Variants in KHDRBS2 observed in about 807,000 individuals in gnomAD.
The protein encoded by KHDRBS2 is KH domain-containing, RNA-binding, signal transduction-associated protein 2.
A neutral mutation model predicts 44.3 loss-of-function variants in KHDRBS2; 26 were observed. That is an observed-to-expected ratio of 0.59 (90% confidence interval 0.43 to 0.81). The LOEUF (loss-of-function observed/expected upper bound fraction) is 0.81, where lower values mean the gene tolerates loss of function less well. Among genes scored for constraint, KHDRBS2 ranks in the 40% least tolerant of loss-of-function variants. The pLI is 0.00. For missense variants in KHDRBS2, 476 were observed against 433.1 expected (o/e 1.10, Z -0.88); for synonymous variants, 194 against 151.1 (o/e 1.28, Z -2.08).
intron 6 of KHDRBS2, among the ~76,000 whole-genome samples, chr6:61,879,010 T>C (rs1583300364): frequency 1.3e-5 from 2 of 151,984 alleles, no homozygotes; most frequent in South Asian, 2.1e-4. Flanking sequence ...ATTAATATTC[T>C]AGACTTCTAA....
intron 2 of KHDRBS2, among the ~76,000 whole-genome samples, chr6:62,174,607 G>A (rs964436781): frequency 6.6e-6 from 1 of 151,596 alleles, no homozygotes; most frequent in African/African-American, 2.4e-5. Context: ...GAGAGTAACT[G>A]AAACACAATC....
At chr6:62,248,718 T>C (rs1466583817) in intron 1 of KHDRBS2, among the ~76,000 whole-genome samples, 1 of 152,080 alleles carries the variant, frequency 6.6e-6, no homozygotes, top group Non-Finnish European at 1.5e-5. Flanking sequence ...AAAAGACTCA[T>C]GGGGAGCTCA....
At chr6:61,931,560 A>G (rs1215190608) in intron 4 of KHDRBS2, among the ~76,000 whole-genome samples, 1 of 152,154 alleles carries the variant, frequency 6.6e-6, no homozygotes, top group Non-Finnish European at 1.5e-5. Flanking sequence ...GTGGTTTTAT[A>G]TGCTCATTTA....
chr6:61,670,296 G>A, the KHDRBS2 span, among the ~76,000 whole-genome samples: 1 of 151,262 alleles, frequency 6.6e-6, no homozygotes, highest in Non-Finnish European at 1.5e-5. Context: ...TCTTTAAAAA[G>A]TTATGCCAAT....
At chr6:61,958,672 ACT>A (rs1767962994) in intron 4 of KHDRBS2, among the ~76,000 whole-genome samples, 1 of 152,076 alleles carries the variant, frequency 6.6e-6, no homozygotes, top group African/African-American at 2.4e-5. Context: ...AATTGTGCCA[ACT>A]CTGTCTTAAA....
In KHDRBS2 at chr6:62,137,202, C is replaced by T. The variant is rs563322264; in HGVS notation, c.219+39983G>A. ...ATTTTTAGTAGAGACGGGGTTTCAC[C>T]GTGTTAGCCAGGATAGTCTTGATCT... On this transcript the variant is annotated intron_variant, in intron 2 of 8. Coordinates refer to ENST00000281156, the MANE Select transcript of KHDRBS2 (RefSeq NM_152688.4). 1.4e-4 allele frequency among the ~76,000 whole-genome samples: 21 copies of T among 152,002 alleles called. No individual in the cohort carries two copies. The East Asian group carries it at 3.7e-3, about 27-fold the overall frequency.
At chr6:62,105,114 C>T (rs1486289066) in intron 2 of KHDRBS2, among the ~76,000 whole-genome samples, 1 of 152,052 alleles carries the variant, frequency 6.6e-6, no homozygotes. Flanking sequence ...AGTCCTATAT[C>T]ATTAAAAAAA....
intron 2 of KHDRBS2, among the ~76,000 whole-genome samples, chr6:62,116,064 T>A (rs950468578): frequency 4.0e-5 from 6 of 151,850 alleles, no homozygotes; most frequent in Non-Finnish European, 7.4e-5. Context: ...ATCATCAAAA[T>A]AGGAAAAGAA....
At chr6:61,888,139 T>C (rs1396739064) in intron 6 of KHDRBS2, among the ~76,000 whole-genome samples, 1 of 152,216 alleles carries the variant, frequency 6.6e-6, no homozygotes, top group Non-Finnish European at 1.5e-5. Flanking sequence ...TAAAAATTAG[T>C]GTCTCCCCAT....
At chr6:62,233,292 T>A (rs1313702312) in intron 1 of KHDRBS2, among the ~76,000 whole-genome samples, 1 of 152,138 alleles carries the variant, frequency 6.6e-6, no homozygotes, top group African/African-American at 2.4e-5. Flanking sequence ...TGTCTCAATG[T>A]TTCTCACTCT....
At chr6:61,797,759 GTGTGTA>G (rs759822735) in intron 6 of KHDRBS2, among the ~76,000 whole-genome samples, 8 of 136,038 alleles carry the variant, frequency 5.9e-5, no homozygotes, top group Middle Eastern at 7.7e-3. Flanking sequence ...GTGTGTGTGT[GTGTGTA>G]TGTATATATA....
At chr6:62,144,876 G>T (rs1441627927) in intron 2 of KHDRBS2, among the ~76,000 whole-genome samples, 1 of 151,950 alleles carries the variant, frequency 6.6e-6, no homozygotes, top group African/African-American at 2.4e-5. Flanking sequence ...ATTTAGGAAA[G>T]AAGGTCATGT....
intron 4 of KHDRBS2, among the ~76,000 whole-genome samples, chr6:61,956,625 G>A (rs764030085): frequency 2.6e-5 from 4 of 151,986 alleles, no homozygotes; most frequent in Admixed American, 2.6e-4. Context: ...GCCACAAGGG[G>A]TTAATCAGTC....
At chr6:61,552,706 A>G in the KHDRBS2 span, among the ~76,000 whole-genome samples, 1 of 152,160 alleles carries the variant, frequency 6.6e-6, no homozygotes, top group East Asian at 1.9e-4. Context: ...TTTTAACATA[A>G]AGGGATGTTG....
chr6:62,184,266 T>A (rs1322417046), intron 1 of KHDRBS2, among the ~76,000 whole-genome samples: 1 of 151,594 alleles, frequency 6.6e-6, no homozygotes, highest in African/African-American at 2.4e-5. Flanking sequence ...AAACCTAACA[T>A]GAATCACAGA....
At chr6:61,775,792 C>T (rs1365723176) in intron 6 of KHDRBS2, among the ~76,000 whole-genome samples, 10 of 152,162 alleles carry the variant, frequency 6.6e-5, no homozygotes, top group Non-Finnish European at 1.5e-4. Context: ...GAAAAAACTA[C>T]TTTAAATTTC....
chr6:62,142,550 G>T (rs1004326661), intron 2 of KHDRBS2, among the ~76,000 whole-genome samples: 1 of 151,892 alleles, frequency 6.6e-6, no homozygotes, highest in African/African-American at 2.4e-5. Flanking sequence ...TTATTCTTAA[G>T]TAAACATCAG....
the KHDRBS2 span, among the ~76,000 whole-genome samples, chr6:61,597,418 C>A: frequency 1.3e-5 from 2 of 151,962 alleles, no homozygotes; most frequent in Non-Finnish European, 1.5e-5. Context: ...GTGAGGTGAA[C>A]AAGGGACCCA....
At chr6:62,063,657 A>T (rs1584456408) in intron 2 of KHDRBS2, among the ~76,000 whole-genome samples, 1 of 147,354 alleles carries the variant, frequency 6.8e-6, no homozygotes, top group African/African-American at 2.5e-5. Context: ...TCTATGACAA[A>T]CCCACAGCCA....
Sources: gnomAD v4.1 joint callset for allele counts (sites outside exome capture counted in the v4.1 genomes callset) on GRCh38, gnomAD v4.1.1 for gene constraint, MANE v1.5 for transcripts, NCBI Gene and HGNC (gene_info 2026-07-23, HGNC 2026-07-21) for gene names.